The following SAXO5 variants were observed in gnomAD, a reference collection of about 807,000 sequenced individuals.
SAXO5 encodes the protein stabilizer of axonemal microtubules 5.
At chr19:7,498,416 G>C in the SAXO5 span, among the ~76,000 whole-genome samples, 10 of 113,412 alleles carry the variant, frequency 8.8e-5, no homozygotes, top group African/African-American at 3.2e-4. Flanking sequence ...TTTTTTTTGA[G>C]ACAGAGTTTC....
chr19:7,505,986 C>T, the SAXO5 span: 1 of 1,589,686 alleles, frequency 6.3e-7, no homozygotes, highest in Non-Finnish European at 8.6e-7. Context: ...ACCCAGCCAC[C>T]CAGCCGCCAC....
the SAXO5 span, chr19:7,505,909 CGG>C: frequency 6.6e-7 from 1 of 1,505,436 alleles, no homozygotes. Flanking sequence ...CCCTCCCCCC[CGG>C]GCCCGGGGAC....
the SAXO5 span, chr19:7,507,256 G>A: frequency 5.6e-6 from 5 of 900,192 alleles, no homozygotes; most frequent in South Asian, 2.9e-5. Flanking sequence ...ACCCAGGCTC[G>A]GGGGCATCTT....
At chr19:7,506,297 C>T in the SAXO5 span, 2,174 of 806,646 alleles carry the variant, frequency 2.7e-3, 4 homozygotes, top group Non-Finnish European at 3.7e-3. Flanking sequence ...GAAGCCCAGC[C>T]CTGGAAGCCT....
the SAXO5 span, chr19:7,506,523 C>T: frequency 6.5e-4 from 250 of 382,622 alleles, no homozygotes; most frequent in Non-Finnish European, 1.1e-3. Flanking sequence ...GTCTTAACTC[C>T]TCTTCCATTG....
At chr19:7,498,371 C>A in the SAXO5 span, among the ~76,000 whole-genome samples, 10 of 149,890 alleles carry the variant, frequency 6.7e-5, no homozygotes, top group Non-Finnish European at 4.4e-5. Context: ...CTACCATGCC[C>A]AGCTAATTTT....
At chr19:7,506,145 A>G in the SAXO5 span, 3 of 1,607,714 alleles carry the variant, frequency 1.9e-6, no homozygotes, top group African/African-American at 4.0e-5. Context: ...CAGCAAAGCT[A>G]CCTGCCGCGG....
the SAXO5 span, among the ~76,000 whole-genome samples, chr19:7,501,816 G>A: frequency 6.0e-5 from 9 of 150,614 alleles, no homozygotes; most frequent in East Asian, 9.8e-4. Flanking sequence ...GCAAGGCTCC[G>A]TCTCAAAAAA....
At chr19:7,505,919 G>T in the SAXO5 span, 1 of 1,520,170 alleles carries the variant, frequency 6.6e-7, no homozygotes, top group Non-Finnish European at 8.9e-7. Flanking sequence ...CGGGCCCGGG[G>T]ACCTCTCGGA....
the SAXO5 span, chr19:7,505,533 C>T: frequency 4.8e-5 from 78 of 1,614,070 alleles, no homozygotes; most frequent in South Asian, 7.5e-4. Context: ...TTGTTCTTCA[C>T]CACGATCAGA....
the SAXO5 span, among the ~76,000 whole-genome samples, chr19:7,498,399 T>TC: frequency 5.7e-5 from 8 of 139,896 alleles, no homozygotes; most frequent in African/African-American, 1.3e-4. Flanking sequence ...TTTTCTTTTT[T>TC]TTTTTTTTTT....
the SAXO5 span, chr19:7,505,207 G>A: frequency 1.1e-6 from 1 of 935,858 alleles, no homozygotes; most frequent in Non-Finnish European, 1.7e-6. Context: ...GTTCTCAAAA[G>A]CCTGACCTCA....
the SAXO5 span, chr19:7,501,380 C>A: frequency 6.6e-7 from 1 of 1,506,088 alleles, no homozygotes; most frequent in South Asian, 1.3e-5. Context: ...CGCAGCCTCG[C>A]GCGCCCAGTT....
At chr19:7,503,976 T>G in the SAXO5 span, 1 of 586,012 alleles carries the variant, frequency 1.7e-6, no homozygotes, top group Non-Finnish European at 3.1e-6. Context: ...CTTTTGGTGT[T>G]TGCCAGACAG....
At chr19:7,502,813 C>G in the SAXO5 span, among the ~76,000 whole-genome samples, 1 of 152,130 alleles carries the variant, frequency 6.6e-6, no homozygotes, top group South Asian at 2.1e-4. Flanking sequence ...GCTAGTAAAG[C>G]TGAATGTGTA....
chr19:7,506,765 C>G, the SAXO5 span: 1 of 439,132 alleles, frequency 2.3e-6, no homozygotes, highest in South Asian at 2.4e-5. Context: ...TCCCTCTTCC[C>G]CAGCTCCTCT....
chr19:7,503,830 A>G, the SAXO5 span, among the ~76,000 whole-genome samples: 236 of 152,176 alleles, frequency 1.6e-3, 1 homozygote, highest in African/African-American at 5.3e-3. Context: ...GGGTCTTACT[A>G]TGTTGCCCAA....
the SAXO5 span, chr19:7,506,863 C>T: frequency 5.4e-6 from 3 of 557,404 alleles, no homozygotes; most frequent in Non-Finnish European, 6.4e-6. Flanking sequence ...TTTCCCAGCT[C>T]CTCCCCCTTC....
chr19:7,501,219 G>A, the SAXO5 span: 7 of 1,547,800 alleles, frequency 4.5e-6, no homozygotes, highest in Non-Finnish European at 6.0e-6. Context: ...CGCCGCCTAC[G>A]GCTGGCCCGA....
Sources: allele counts gnomAD v4.1 joint callset (sites outside exome capture counted in the v4.1 genomes callset), GRCh38; gene constraint gnomAD v4.1.1; transcripts MANE v1.5; gene names NCBI Gene and HGNC (gene_info 2026-07-23, HGNC 2026-07-21).